Variants in ETFA observed in about 807,000 individuals in gnomAD.
ETFA encodes electron transfer flavoprotein subunit alpha, mitochondrial.
A neutral mutation model predicts 46.2 loss-of-function variants in ETFA; 22 were observed. That is an observed-to-expected ratio of 0.48 (90% CI 0.34 to 0.68). The LOEUF is 0.68. ETFA is among the 30% of genes least tolerant of loss of function. The pLI is 0.01. For synonymous variants in ETFA, 131 were observed against 139.9 expected (o/e 0.94, Z 0.45); for missense variants, 345 against 401.1 (o/e 0.86, Z 1.19).
At chr15:76,221,803 T>G (rs1476492966) in intron 11 of ETFA, among the ~76,000 whole-genome samples, 1 of 152,234 alleles carries the variant, frequency 6.6e-6, no homozygotes, top group Non-Finnish European at 1.5e-5. Flanking sequence ...TCTTAATTAC[T>G]ATAACATATT....
chr15:76,308,266 G>C (rs1405947890), intron 1 of ETFA, among the ~76,000 whole-genome samples: 1 of 152,190 alleles, frequency 6.6e-6, no homozygotes, highest in Non-Finnish European at 1.5e-5. Flanking sequence ...CTAAGACTGG[G>C]TAAAAGTCTG....
chr15:76,257,051 A>G (rs1266372419), intron 9 of ETFA, among the ~76,000 whole-genome samples: 1 of 151,512 alleles, frequency 6.6e-6, no homozygotes, highest in Non-Finnish European at 1.5e-5. Context: ...TAAGTGATGC[A>G]TGCCTATATT....
rs34111559 is a variant in ETFA at position 76,310,369 on chromosome 15, G to GAAAAAAAAAAAAAAAAAAAAAAAAAAAAA, written c.39+980_39+981insTTTTTTTTTTTTTTTTTTTTTTTTTTTTT. Among the ~76,000 whole-genome samples the GAAAAAAAAAAAAAAAAAAAAAAAAAAAAA allele has an allele frequency of 4.8e-5, 5 of 104,444 alleles. 1 individual carries two copies. Among genetic ancestry groups the GAAAAAAAAAAAAAAAAAAAAAAAAAAAAA allele is most frequent in the African/African-American group, 1.9e-4 (5 of 26,928 alleles). 68.5% of individuals were successfully genotyped at this position (104,444 alleles called of 152,430 possible). Reference sequence around the variant, plus strand: ...GTGGATGGGAAAATATCCATGCCCAGAAAAAAAAAAAAAAAAAAAAAAAGG... The same window carrying GAAAAAAAAAAAAAAAAAAAAAAAAAAAAA: ...GTGGATGGGAAAATATCCATGCCCAGAAAAAAAAAAAAAAAAAAAAAAAAAAAAAAAAAAAAAAAAAAAAAAAAAAAAGG... On this transcript the variant is annotated intron_variant, in intron 1 of 11. Transcript: ENST00000557943.
intron 9 of ETFA, among the ~76,000 whole-genome samples, chr15:76,265,748 C>G (rs1014761892): frequency 2.6e-4 from 39 of 152,058 alleles, no homozygotes; most frequent in Admixed American, 2.2e-3. Context: ...AATATCTATT[C>G]CTATGGATCA....
At chr15:76,250,825 C>T (rs2039291086) in intron 9 of ETFA, among the ~76,000 whole-genome samples, 1 of 151,986 alleles carries the variant, frequency 6.6e-6, no homozygotes, top group African/African-American at 2.4e-5. Context: ...GTGTGAGCCA[C>T]CCACCATGCC....
At chr15:76,229,602 TTC>T (rs2039043987) in intron 10 of ETFA, among the ~76,000 whole-genome samples, 1 of 152,188 alleles carries the variant, frequency 6.6e-6, no homozygotes, top group Admixed American at 6.5e-5. Context: ...TGGAGTTTCT[TTC>T]TTTTATTTAT....
chr15:76,295,717 C>G lies in ETFA; in HGVS notation c.60G>C (p.Gln20His), dbSNP rs13380190. 52 of 1,608,940 alleles carry G rather than the reference C, an allele frequency of 3.2e-5. No individual in the cohort carries two copies. Among genetic ancestry groups the G allele is most frequent in the Non-Finnish European group, 4.3e-5 (51 of 1,179,124 alleles). Residue 20 changes from glutamine (Q) to histidine (H), a missense_variant, in exon 2 of 12, where the codon CAG (glutamine) becomes CAC (histidine). Coordinates refer to ENST00000557943, the MANE Select transcript of ETFA (RefSeq NM_000126.4). ...CATGCTCAGCTATTACCAGGGTACT[C>G]TGAAATCGTAGCAATGAGGCCTAAA... is the stretch of plus-strand genomic sequence containing the variant. ...LRRAASLLRF[Q>H]STLVIAEHAN...
At chr15:76,230,351 C>A (rs1163728144) in intron 10 of ETFA, 1 of 68,498 alleles carries the variant, frequency 1.5e-5, no homozygotes, top group African/African-American at 5.1e-5. Context: ...CTCAGCCTCC[C>A]GAGTAGCTGG....
intron 11 of ETFA, among the ~76,000 whole-genome samples, chr15:76,218,705 A>G (rs1434208108): frequency 2.0e-5 from 3 of 152,230 alleles, no homozygotes; most frequent in Non-Finnish European, 4.4e-5. Flanking sequence ...TCTTTTAGAT[A>G]TTGCAGAGGC....
intron 4 of ETFA, among the ~76,000 whole-genome samples, chr15:76,291,535 G>C (rs2039762470): frequency 6.6e-6 from 1 of 150,706 alleles, no homozygotes; most frequent in Non-Finnish European, 1.5e-5. Context: ...CGGATCACGA[G>C]GTCAGGAGAT....
At chr15:76,309,221 G>T (rs1290759628) in intron 1 of ETFA, among the ~76,000 whole-genome samples, 1 of 152,114 alleles carries the variant, frequency 6.6e-6, no homozygotes, top group Non-Finnish European at 1.5e-5. Context: ...AGGCCAAGGC[G>T]GGCGGATCAT....
intron 9 of ETFA, among the ~76,000 whole-genome samples, chr15:76,244,156 A>T (rs1022054738): frequency 1.3e-5 from 2 of 152,190 alleles, no homozygotes; most frequent in African/African-American, 4.8e-5. Context: ...AAGTTCTGGG[A>T]TTACAGGCGT....
intron 9 of ETFA, among the ~76,000 whole-genome samples, chr15:76,266,883 G>A (rs1034156901): frequency 1.0e-4 from 15 of 149,798 alleles, no homozygotes; most frequent in Non-Finnish European, 1.0e-4. Context: ...CAGCCTGGGC[G>A]ACAAAGCGAG....
At chr15:76,289,077 G>A (rs2456067) in intron 4 of ETFA, among the ~76,000 whole-genome samples, 20,380 of 151,840 alleles carry the variant, frequency 0.13, 1,624 homozygotes, top group African/African-American at 0.22. Context: ...ACGCTACTGC[G>A]TCCAGCTCAT....
intron 9 of ETFA, among the ~76,000 whole-genome samples, chr15:76,253,034 C>G (rs2039315383): frequency 6.6e-6 from 1 of 151,892 alleles, no homozygotes; most frequent in Non-Finnish European, 1.5e-5. Context: ...CCACCTCAGT[C>G]TCCTGAATAG....
intron 11 of ETFA, among the ~76,000 whole-genome samples, chr15:76,225,285 T>G (rs962535846): frequency 3.9e-5 from 6 of 152,098 alleles, no homozygotes; most frequent in Admixed American, 3.3e-4. Context: ...TGTGGGTTTT[T>G]TTTGTTTTGT....
intron 1 of ETFA, among the ~76,000 whole-genome samples, chr15:76,300,088 C>T (rs1187011884): frequency 6.6e-6 from 1 of 152,172 alleles, no homozygotes; most frequent in Non-Finnish European, 1.5e-5. Flanking sequence ...CTTGTTATCT[C>T]AGCAATGTTT....
At chr15:76,270,466 T>C (rs1225443147) in intron 9 of ETFA, among the ~76,000 whole-genome samples, 1 of 152,200 alleles carries the variant, frequency 6.6e-6, no homozygotes, top group East Asian at 1.9e-4. Context: ...GGTAAATATA[T>C]ATATGCATAT....
intron 1 of ETFA, among the ~76,000 whole-genome samples, chr15:76,298,567 G>A (rs1596225802): frequency 6.6e-6 from 1 of 152,086 alleles, no homozygotes; most frequent in East Asian, 1.9e-4. Context: ...TATGATGGAG[G>A]TACTAGTATT....
Sources: gnomAD v4.1 joint callset for allele counts (sites outside exome capture counted in the v4.1 genomes callset) on GRCh38, gnomAD v4.1.1 for gene constraint, MANE v1.5 for transcripts, NCBI Gene and HGNC (gene_info 2026-07-23, HGNC 2026-07-21) for gene names.